The following PPP1R27 variants were observed in gnomAD, a reference collection of about 807,000 sequenced individuals.
PPP1R27 encodes the protein protein phosphatase 1 regulatory subunit 27, also known as dysferlin interacting protein 1.
PPP1R27 carries 10 observed loss-of-function variants against 12.0 expected under a neutral mutation model. The ratio of observed to expected loss-of-function variants is 0.84; its 90% CI spans 0.52 to 1.42. The LOEUF (loss-of-function observed/expected upper bound fraction) is 1.42. Ranked by LOEUF, PPP1R27 falls within the 40% of genes most tolerant of loss-of-function variation. The probability of loss-of-function intolerance (pLI) is 0.00; values close to 1 mark genes in which losing one functional copy is unlikely to be tolerated. For synonymous variants in PPP1R27, 98 were observed against 89.3 expected (o/e 1.10, Z -0.55); for missense variants, 246 against 215.3 (o/e 1.14, Z -0.89).
chr17:81,833,938 G>A, intron 2 of PPP1R27, 86 bp from the exon 3 acceptor site: 2 of 1,491,526 alleles, frequency 1.3e-6, no homozygotes, highest in Non-Finnish European at 1.8e-6. Flanking sequence ...CAGAGTCCTG[G>A]GGTCACCTGT....
intron 2 of PPP1R27, chr17:81,834,107 T>C (rs948752820): frequency 6.2e-6 from 3 of 485,932 alleles, no homozygotes; most frequent in African/African-American, 5.9e-5. Context: ...CTTTTTTTGT[T>C]TTTTTTGTTT....
rs964317278 is a variant in PPP1R27, at chr17:81,833,615, G to A, written c.*114C>T. The A allele has an allele frequency of 1.8e-4, 203 of 1,152,838 alleles. 1 individual carries two copies. The highest frequency in any genetic ancestry group is 3.8e-5 in the Non-Finnish European group (32 of 841,962). The allele number at this position is 1,152,838 out of a possible 1,614,324, so 71.4% of individuals were successfully genotyped here. On this transcript the variant is annotated 3_prime_UTR_variant, in exon 3 of 3. Coordinates refer to ENST00000330261, the MANE Select transcript of PPP1R27 (RefSeq NM_001007533.4). Reference sequence around the variant, plus strand: ...CTAGGAGGGGTGGCGGGGTCGTGGAGGGACGGGTCCGGCCGCCCCTGGCCC... The same window carrying A: ...CTAGGAGGGGTGGCGGGGTCGTGGAAGGACGGGTCCGGCCGCCCCTGGCCC...
intron 2 of PPP1R27, 62 bp downstream of exon 2, chr17:81,834,441 G>A (rs1424032416): frequency 8.9e-6 from 14 of 1,574,516 alleles, no homozygotes; most frequent in Non-Finnish European, 1.2e-5. Context: ...CTCCCATCCT[G>A]GGGACCCACT....
In PPP1R27 at chr17:81,833,568, T is replaced by A. The variant is rs2038570754; in HGVS notation, c.*161A>T. The A allele has an allele frequency of 4.3e-6, 3 of 695,314 alleles. No individual in the cohort carries two copies. In the South Asian group the frequency reaches 5.9e-5, roughly 14 times the overall value. The allele number at this position is 695,314 out of a possible 1,614,324, so 43.1% of individuals were successfully genotyped here. A position where few individuals can be genotyped will look rare whatever the true frequency, so the allele number is the denominator to read the frequency against. Reference sequence around the variant, plus strand: ...AGTAAAAAGTGTCACAGTAAAAAATTCACCTGGGGACAAAGCCAGGCCTAG... The same window carrying A: ...AGTAAAAAGTGTCACAGTAAAAAATACACCTGGGGACAAAGCCAGGCCTAG... On this transcript the variant is annotated 3_prime_UTR_variant, in exon 3 of 3. Coordinates refer to ENST00000330261, the MANE Select transcript of PPP1R27 (RefSeq NM_001007533.4).
chr17:81,833,704 G>A lies in PPP1R27; in HGVS notation c.*25C>T, dbSNP rs748948289. ...CTTCTCCAGGGAGGCGGCCCTGGGC[G>A]CGGGGGCGGGCGGGCAAAGCTGGCT... On this transcript the variant is annotated 3_prime_UTR_variant, in exon 3 of 3. Coordinates refer to ENST00000330261, the MANE Select transcript of PPP1R27 (RefSeq NM_001007533.4). The A allele has an allele frequency of 1.9e-6, 3 of 1,543,602 alleles. No individual in the cohort carries two copies. The highest frequency in any genetic ancestry group is 1.4e-5 in the African/African-American group (1 of 72,936).
chr17:81,834,631 G>A lies in PPP1R27; in HGVS notation c.213C>T (p.Ala71=), dbSNP rs756033877. ...HPSGLAALHE[A]VLSGNLECVK... Reference sequence around the variant, plus strand: ...CGCATTCCAGGTTTCCAGAGAGCACGGCTTCATGCAAGGCGGCCAGGCCTG... The same window carrying A: ...CGCATTCCAGGTTTCCAGAGAGCACAGCTTCATGCAAGGCGGCCAGGCCTG... Residue 71 remains alanine, a synonymous_variant, in exon 2 of 3, where the codon GCC becomes GCT. Coordinates refer to ENST00000330261, the MANE Select transcript of PPP1R27 (RefSeq NM_001007533.4). The A allele has an allele frequency of 6.2e-7, 1 of 1,614,164 alleles. No homozygotes were observed. Among genetic ancestry groups the A allele is most frequent in the South Asian group, 1.1e-5 (1 of 91,088 alleles).
chr17:81,834,392 T>A, intron 2 of PPP1R27, 111 bp downstream of exon 2: 1 of 1,290,844 alleles, frequency 7.7e-7, no homozygotes, highest in South Asian at 1.4e-5. Context: ...CCCCAGCCTC[T>A]AGGGTTCTTG....
Position 81,833,859 on chromosome 17 carries a change from T to A in PPP1R27, c.342-7A>T. The A allele has an allele frequency of 6.3e-7, 1 of 1,594,988 alleles. No homozygotes were observed. Among genetic ancestry groups the A allele is most frequent in the Non-Finnish European group, 8.5e-7 (1 of 1,171,300 alleles). ...TCCCAGGGAGATAAGGTACCTGGGG[T>A]GTAAAGGTCGCTCTGGCTGAAGCGG... On this transcript the variant is annotated splice_polypyrimidine_tract_variant and splice_region_variant and intron_variant, in intron 2 of 2. Coordinates refer to ENST00000330261, the MANE Select transcript of PPP1R27 (RefSeq NM_001007533.4).
intron 2 of PPP1R27, 30 bp from the exon 3 acceptor site, chr17:81,833,882 C>T (rs778338152): frequency 2.5e-6 from 4 of 1,588,778 alleles, no homozygotes; most frequent in African/African-American, 2.7e-5. Context: ...CTGGCTGAAG[C>T]GGGGAGGAGC....
Position 81,835,049 on chromosome 17 carries a change from C to A in PPP1R27, c.-96G>T. 1 of 1,295,714 alleles carries A rather than the reference C, an allele frequency of 7.7e-7. No individual in the cohort carries two copies. Among genetic ancestry groups the A allele is most frequent in the Non-Finnish European group, 1.0e-6 (1 of 971,200 alleles). 80.3% of individuals were successfully genotyped at this position (1,295,714 alleles called of 1,614,324 possible). A position where few individuals can be genotyped will look rare whatever the true frequency, so the allele number is the denominator to read the frequency against. Reference sequence around the variant, plus strand: ...ACCAGATCAGCTTGAGGGCTCCTGTCGGACGAGCCCCGGCCTCTGACTTGC... The same window carrying A: ...ACCAGATCAGCTTGAGGGCTCCTGTAGGACGAGCCCCGGCCTCTGACTTGC... On this transcript the variant is annotated 5_prime_UTR_variant, in exon 1 of 3. Transcript: ENST00000330261.
chr17:81,834,813 C>T lies in PPP1R27; in HGVS notation c.141G>A (p.Gly47=), dbSNP rs138820775. The T allele has an allele frequency of 6.8e-6, 11 of 1,613,570 alleles. No homozygotes were observed. In the East Asian group the frequency reaches 2.5e-4, roughly 36 times the overall value. The change falls in exon 1 of 3, where the codon GGG becomes GGA. Residue 47 remains glycine, a synonymous_variant. Transcript: ENST00000330261. ...HIRQGDLEQV[G]RFIRTRKVSL... ...AGACTTTCCGAGTCCGGATGAAGCG[C>T]CCCACCTGCTCCAGGTCACCCTGCC...
Position 81,834,585 on chromosome 17 carries a change from C to G in PPP1R27, c.259G>C (p.Gly87Arg), listed in dbSNP as rs150545240. The change falls in exon 2 of 3, where the codon GGG becomes CGG. Residue 87 changes from glycine (G) to arginine (R), a missense_variant. Physicochemically the swap from Gly to Arg is moderately radical, Grantham distance 125. Transcript: ENST00000330261. ...LECVKLLVKY[G>R]ADIHQRDEAG... is the part of the protein sequence containing the mutation. The stretch of plus-strand genomic sequence containing the variant: ...TCATCTCGCTGGTGAATGTCAGCCC[C>G]GTATTTGACCAGCAGCTTCACGCAT... 27 of 1,614,086 alleles carry G rather than the reference C, an allele frequency of 1.7e-5. No individual in the cohort carries two copies. The African/African-American group carries it at 3.2e-4, about 19-fold the overall frequency.
chr17:81,834,299 G>A, intron 2 of PPP1R27: 1 of 584,618 alleles, frequency 1.7e-6, no homozygotes, highest in Non-Finnish European at 3.0e-6. Flanking sequence ...GAGGGTTCTT[G>A]TCACGAACTC....
rs760435418 is a variant in PPP1R27, at chr17:81,834,791, C to T, written c.163G>A (p.Val55Ile). ...QVGRFIRTRK[V>I]SLATIHPSGL... The stretch of plus-strand genomic sequence containing the variant: ...GAGGGGTGGATGGTGGCCAGGGAGA[C>T]TTTCCGAGTCCGGATGAAGCGCCCC... The change falls in exon 1 of 3, where the codon GTC becomes ATC. Residue 55 changes from valine (V) to isoleucine (I), a missense_variant. Transcript: ENST00000330261. 2 of 1,612,978 alleles carry T rather than the reference C, an allele frequency of 1.2e-6. No individual in the cohort carries two copies. The highest frequency in any genetic ancestry group is 2.2e-5 in the South Asian group (2 of 90,986).
chr17:81,833,926 G>A (rs1302443220), intron 2 of PPP1R27, 74 bp from the exon 3 acceptor site: 7 of 1,532,204 alleles, frequency 4.6e-6, no homozygotes, highest in African/African-American at 2.7e-5. Flanking sequence ...GGGTCAGAGG[G>A]CCAGAGTCCT....
At chr17:81,833,877 T>C in intron 2 of PPP1R27, 25 bp from the exon 3 acceptor site, 1 of 1,592,010 alleles carries the variant, frequency 6.3e-7, no homozygotes, top group Non-Finnish European at 8.5e-7. Flanking sequence ...TCGCTCTGGC[T>C]GAAGCGGGGA....
At position 81,834,541 on chromosome 17, in the gene PPP1R27, C is replaced by T; in HGVS notation, c.303G>A (p.Leu101=). The change falls in exon 2 of 3, where the codon CTG becomes CTA. Residue 101 remains leucine (L), a synonymous_variant. Coordinates refer to ENST00000330261, the MANE Select transcript of PPP1R27 (RefSeq NM_001007533.4). ...GGTACCCATCGCTGCAGGCAATGTG[C>T]AGGGGTGTCCAGCCCGCCTCATCTC... is the stretch of plus-strand genomic sequence containing the variant. ...HQRDEAGWTP[L]HIACSDGYPD... The T allele has an allele frequency of 6.2e-7, 1 of 1,614,176 alleles. No homozygotes were observed. The highest frequency in any genetic ancestry group is 2.2e-5 in the East Asian group (1 of 44,892).
intron 1 of PPP1R27, 34 bp downstream of exon 1, chr17:81,834,730 C>T (rs773537002): frequency 6.2e-7 from 1 of 1,609,316 alleles, no homozygotes; most frequent in Admixed American, 1.7e-5. Flanking sequence ...CACCACCCCA[C>T]AGGCCCTGGC....
Position 81,835,047 on chromosome 17 carries a change from G to C in PPP1R27, c.-94C>G. ...CGACCAGATCAGCTTGAGGGCTCCTGTCGGACGAGCCCCGGCCTCTGACTT... is the reference window on the plus strand; with the variant it reads ...CGACCAGATCAGCTTGAGGGCTCCTCTCGGACGAGCCCCGGCCTCTGACTT... On this transcript the variant is annotated 5_prime_UTR_variant, in exon 1 of 3. Coordinates refer to ENST00000330261, the MANE Select transcript of PPP1R27 (RefSeq NM_001007533.4). 1 of 1,310,416 alleles carries C rather than the reference G, an allele frequency of 7.6e-7. No individual in the cohort carries two copies. Among genetic ancestry groups the C allele is most frequent in the Admixed American group, 2.8e-5 (1 of 35,762 alleles). 81.2% of individuals were successfully genotyped at this position (1,310,416 alleles called of 1,614,324 possible).
Sources: allele counts gnomAD v4.1 joint callset, GRCh38; gene constraint gnomAD v4.1.1; transcripts MANE v1.5; gene names NCBI Gene and HGNC (gene_info 2026-07-23, HGNC 2026-07-21).